The following CSNK2A2IP variants were observed in gnomAD, a reference collection of about 807,000 sequenced individuals.
CSNK2A2IP encodes the protein casein kinase 2 subunit alpha' interacting protein.
the CSNK2A2IP span, among the ~76,000 whole-genome samples, chr3:88,425,560 T>C: frequency 6.6e-6 from 1 of 152,148 alleles, no homozygotes; most frequent in Non-Finnish European, 1.5e-5. Flanking sequence ...ATATACAAAC[T>C]TGACTGAAGA....
the CSNK2A2IP span, among the ~76,000 whole-genome samples, chr3:88,374,526 G>A: frequency 2.0e-5 from 3 of 151,576 alleles, no homozygotes; most frequent in Admixed American, 1.3e-4. Context: ...AAGTCTACCA[G>A]TATTTTTTCC....
chr3:88,339,816 A>G, the CSNK2A2IP span, among the ~76,000 whole-genome samples: 3 of 152,080 alleles, frequency 2.0e-5, no homozygotes, highest in Non-Finnish European at 2.9e-5. Flanking sequence ...CAGAGCAGCA[A>G]TTATGGGGGT....
At chr3:88,446,312 A>T in the CSNK2A2IP span, among the ~76,000 whole-genome samples, 15 of 151,434 alleles carry the variant, frequency 9.9e-5, no homozygotes, top group African/African-American at 3.6e-4. Context: ...CTGGTCTCGA[A>T]CTCCTGACCT....
chr3:88,454,424 A>G, the CSNK2A2IP span, among the ~76,000 whole-genome samples: 14,566 of 151,798 alleles, frequency 0.096, 1,182 homozygotes, highest in Admixed American at 0.28. Context: ...AAATTTTGAT[A>G]AAGTTCAATT....
chr3:88,418,465 C>CGCGCGCGG, the CSNK2A2IP span, among the ~76,000 whole-genome samples: 1 of 62,370 alleles, frequency 1.6e-5, no homozygotes, highest in African/African-American at 5.3e-5. Context: ...TGTGTGTGTG[C>CGCGCGCGG]GCGCGGGCGT....
At chr3:88,368,045 G>GGACT in the CSNK2A2IP span, among the ~76,000 whole-genome samples, 1 of 151,860 alleles carries the variant, frequency 6.6e-6, no homozygotes. Flanking sequence ...TAAACAATGT[G>GGACT]GACTTCAGAC....
the CSNK2A2IP span, among the ~76,000 whole-genome samples, chr3:88,353,448 T>C: frequency 7.9e-5 from 12 of 152,222 alleles, no homozygotes; most frequent in African/African-American, 2.9e-4. Context: ...ATTTAATTGC[T>C]CGTGCCTGAC....
the CSNK2A2IP span, among the ~76,000 whole-genome samples, chr3:88,364,606 G>A: frequency 6.6e-6 from 1 of 151,990 alleles, no homozygotes; most frequent in Non-Finnish European, 1.5e-5. Flanking sequence ...ACATGTTGTC[G>A]ATATTTAGAG....
At chr3:88,445,229 G>GC in the CSNK2A2IP span, among the ~76,000 whole-genome samples, 1 of 138,098 alleles carries the variant, frequency 7.2e-6, no homozygotes, top group East Asian at 2.2e-4. Context: ...AGGAGTTCAA[G>GC]ACCAGCCTGG....
At chr3:88,454,963 A>G in the CSNK2A2IP span, among the ~76,000 whole-genome samples, 5 of 151,354 alleles carry the variant, frequency 3.3e-5, no homozygotes, top group East Asian at 5.9e-4. Flanking sequence ...TAGGTTTCAC[A>G]TATAAGTGAG....
chr3:88,442,617 G>C, the CSNK2A2IP span, among the ~76,000 whole-genome samples: 3 of 151,910 alleles, frequency 2.0e-5, no homozygotes, highest in Non-Finnish European at 4.4e-5. Context: ...TTATTTCTCA[G>C]AGCAAACTTG....
the CSNK2A2IP span, among the ~76,000 whole-genome samples, chr3:88,454,890 C>T: frequency 6.6e-6 from 1 of 151,832 alleles, no homozygotes; most frequent in Non-Finnish European, 1.5e-5. Context: ...CTCCCATTTT[C>T]CCTTATCCCT....
the CSNK2A2IP span, among the ~76,000 whole-genome samples, chr3:88,386,273 C>A: frequency 6.6e-6 from 1 of 152,010 alleles, no homozygotes; most frequent in South Asian, 2.1e-4. Context: ...TACAGGCACC[C>A]GCCACCATGC....
the CSNK2A2IP span, among the ~76,000 whole-genome samples, chr3:88,374,663 A>G: frequency 6.6e-6 from 1 of 151,680 alleles, no homozygotes; most frequent in African/African-American, 2.4e-5. Flanking sequence ...TTAATTAATT[A>G]TGCTACAGCC....
chr3:88,422,224 C>A, the CSNK2A2IP span, among the ~76,000 whole-genome samples: 152 of 152,238 alleles, frequency 1.0e-3, 1 homozygote, highest in African/African-American at 3.4e-3. Context: ...AAATTCCCAT[C>A]TATTCCTTAA....
the CSNK2A2IP span, among the ~76,000 whole-genome samples, chr3:88,341,229 T>C: frequency 6.6e-6 from 1 of 152,022 alleles, no homozygotes; most frequent in African/African-American, 2.4e-5. Context: ...ATAATTGGGT[T>C]CAGAGGCTAT....
chr3:88,353,308 C>T, the CSNK2A2IP span, among the ~76,000 whole-genome samples: 7 of 152,164 alleles, frequency 4.6e-5, no homozygotes, highest in African/African-American at 7.2e-5. Context: ...ATATAAAAAA[C>T]CAAAATTTGT....
At chr3:88,454,291 T>C in the CSNK2A2IP span, among the ~76,000 whole-genome samples, 7 of 151,890 alleles carry the variant, frequency 4.6e-5, no homozygotes, top group African/African-American at 1.4e-4. Context: ...TCCTATTGAA[T>C]TTTGAGAGTT....
chr3:88,462,825 A>G, the CSNK2A2IP span, among the ~76,000 whole-genome samples: 1 of 152,186 alleles, frequency 6.6e-6, no homozygotes, highest in Non-Finnish European at 1.5e-5. Context: ...ACTTTTGGAT[A>G]ACGAAGCTTG....
Sources: allele counts gnomAD v4.1 joint callset (sites outside exome capture counted in the v4.1 genomes callset), GRCh38; gene constraint gnomAD v4.1.1; transcripts MANE v1.5; gene names NCBI Gene and HGNC (gene_info 2026-07-23, HGNC 2026-07-21).